VPS13D: variants seen among roughly 807,000 people sequenced by gnomAD.
The protein encoded by VPS13D is vacuolar protein sorting 13 homolog D.
Under a neutral mutation model 461.9 loss-of-function variants are expected in VPS13D, and 187 were observed. The ratio of observed to expected loss-of-function variants is 0.40; its 90% CI spans 0.36 to 0.46. The LOEUF is 0.46. Among genes scored for constraint, VPS13D ranks in the 20% least tolerant of loss-of-function variants. The pLI is 0.60. For synonymous variants in VPS13D, 1,951 were observed against 1,986.3 expected (o/e 0.98, Z 0.47); for missense variants, 4,711 against 5,364.9 (o/e 0.88, Z 3.81).
Position 12,305,870 on chromosome 1 carries a change from G to A in VPS13D, c.6439+1142G>A, listed in dbSNP as rs988159083. On this transcript the variant is annotated intron_variant, in intron 26 of 69. Coordinates refer to ENST00000620676, the MANE Select transcript of VPS13D (RefSeq NM_015378.4). ...ATTTAACAAGATAATTTTCATCCCC[G>A]TAGTAGTAGTTGTGAAACACTATGT... 1.1e-4 allele frequency among the ~76,000 whole-genome samples: 17 copies of A among 152,194 alleles called. No individual in the cohort carries two copies. The East Asian group carries it at 2.5e-3, about 22-fold the overall frequency.
chr1:12,407,589 T>G (rs1226385747), intron 63 of VPS13D, among the ~76,000 whole-genome samples: 1 of 152,212 alleles, frequency 6.6e-6, no homozygotes, highest in Non-Finnish European at 1.5e-5. Flanking sequence ...CGTTCCCTCA[T>G]CTCGACTTTG....
At chr1:12,400,417 C>A in intron 61 of VPS13D, 87 bp downstream of exon 61, 2 of 1,515,286 alleles carry the variant, frequency 1.3e-6, no homozygotes, top group Non-Finnish European at 9.0e-7. Context: ...GCAGCAGTGC[C>A]GGGTGCTGAT....
chr1:12,385,933 T>C (rs1644345502), intron 59 of VPS13D, among the ~76,000 whole-genome samples: 1 of 152,128 alleles, frequency 6.6e-6, no homozygotes, highest in Non-Finnish European at 1.5e-5. Context: ...ATGTCATCAG[T>C]CCTTTGATAG....
chr1:12,406,247 G>A (rs1644652980), intron 63 of VPS13D, among the ~76,000 whole-genome samples: 1 of 151,906 alleles, frequency 6.6e-6, no homozygotes, highest in African/African-American at 2.4e-5. Context: ...GTGGAGTCTG[G>A]GACTCATAAA....
At chr1:12,271,150 T>C (rs1641429684) in intron 17 of VPS13D, 26 bp downstream of exon 17, 1 of 1,613,164 alleles carries the variant, frequency 6.2e-7, no homozygotes, top group Non-Finnish European at 8.5e-7. Context: ...TAAACACTCT[T>C]TGGGGATTGG....
At chr1:12,239,360 A>C (rs1261143987) in intron 2 of VPS13D, among the ~76,000 whole-genome samples, 1 of 152,092 alleles carries the variant, frequency 6.6e-6, no homozygotes, top group Middle Eastern at 3.2e-3. Context: ...GCTGGTCTTG[A>C]ATTCTTGGGC....
chr1:12,374,405 T>C (rs1269106644), intron 55 of VPS13D, among the ~76,000 whole-genome samples: 2 of 152,204 alleles, frequency 1.3e-5, no homozygotes, highest in African/African-American at 4.8e-5. Flanking sequence ...TTTTACTTTT[T>C]ATTTGGAAAC....
At position 12,267,828 on chromosome 1, in the gene VPS13D, G is replaced by A. The variant is rs1401506662; in HGVS notation, c.1726-17G>A. 1.2e-6 allele frequency: 2 copies of A among 1,613,196 alleles called. No individual in the cohort carries two copies. The highest frequency in any genetic ancestry group is 1.3e-5 in the African/African-American group (1 of 74,880). On this transcript the variant is annotated splice_polypyrimidine_tract_variant and intron_variant, in intron 14 of 69. Coordinates refer to ENST00000620676, the MANE Select transcript of VPS13D (RefSeq NM_015378.4). Reference sequence around the variant, plus strand: ...CTCACGCTGACGTTTACGCATTTTTGTGTGTTTGTTTAATAGCAAAAAGAA... The same window carrying A: ...CTCACGCTGACGTTTACGCATTTTTATGTGTTTGTTTAATAGCAAAAAGAA...
chr1:12,276,620 C>T lies in VPS13D; in HGVS notation c.3032C>T (p.Thr1011Ile). The change falls in exon 19 of 70, where the codon ACA (threonine) becomes ATA (isoleucine). Residue 1011 changes from threonine (T) to isoleucine (I), a missense_variant. Transcript: ENST00000620676. This position sits in a 1 kb window ranked among gnomAD's most constrained non-coding sequence, Gnocchi z 4.5. ...HGLLLVDTMQTYGADFDLLMA... is the reference protein window; with the variant it reads ...HGLLLVDTMQIYGADFDLLMA... ...TTGCTCCTGGTGGATACCATGCAGA[C>T]ATATGGTGCTGATTTTGACCTTTTG... 1 of 1,614,196 alleles carries T rather than the reference C, an allele frequency of 6.2e-7. No homozygotes were observed. The highest frequency in any genetic ancestry group is 8.5e-7 in the Non-Finnish European group (1 of 1,180,034).
At chr1:12,252,351 C>T (rs375594560) in intron 6 of VPS13D, among the ~76,000 whole-genome samples, 2 of 152,188 alleles carry the variant, frequency 1.3e-5, no homozygotes, top group Admixed American at 6.5e-5. Flanking sequence ...CCCCACCGCA[C>T]ACATCCAGTG....
Position 12,262,010 on chromosome 1 carries a change from G to A in VPS13D, c.1524G>A (p.Val508=), listed in dbSNP as rs779860519. 6.2e-7 allele frequency: 1 copy of A among 1,614,140 alleles called. No homozygotes were observed. Among genetic ancestry groups the A allele is most frequent in the Admixed American group, 1.7e-5 (1 of 60,028 alleles). The change falls in exon 13 of 70, where the codon GTG becomes GTA. Residue 508 remains valine (V), a synonymous_variant. Coordinates refer to ENST00000620676, the MANE Select transcript of VPS13D (RefSeq NM_015378.4). ...ATTTGCAGTTGCAGCGAGGTACAGT[G>A]ACTCTGTTACACAAGGAGCAAGGAA... ...KLNLQLQRGT[V]TLLHKEQGTP... is the part of the protein sequence containing the mutation.
At chr1:12,399,849 G>T (rs1321817902) in intron 60 of VPS13D, among the ~76,000 whole-genome samples, 1 of 152,064 alleles carries the variant, frequency 6.6e-6, no homozygotes, top group Non-Finnish European at 1.5e-5. Flanking sequence ...TATATTCATC[G>T]TGTACAACAT....
intron 65 of VPS13D, among the ~76,000 whole-genome samples, chr1:12,445,968 G>A (rs1387108110): frequency 6.6e-6 from 1 of 152,218 alleles, no homozygotes; most frequent in Non-Finnish European, 1.5e-5. Context: ...ATTGCTAGAA[G>A]TGAAGTATCA....
chr1:12,357,592 A>G (rs188193828), intron 49 of VPS13D, among the ~76,000 whole-genome samples: 1 of 152,348 alleles, frequency 6.6e-6, no homozygotes, highest in African/African-American at 2.4e-5. Context: ...AGGCTCAGAG[A>G]GATTGCTACC....
chr1:12,284,471 A>G (rs562751123), intron 21 of VPS13D, among the ~76,000 whole-genome samples: 1 of 152,318 alleles, frequency 6.6e-6, no homozygotes, highest in South Asian at 2.1e-4. Context: ...AAGTATTAAG[A>G]AAAAAACCAT....
At chr1:12,255,888 CAAAAAAAAAAA>C (rs35699803) in intron 7 of VPS13D, among the ~76,000 whole-genome samples, 2 of 56,386 alleles carry the variant, frequency 3.5e-5, no homozygotes, top group African/African-American at 1.4e-4. Context: ...AGACTCGTCT[CAAAAAAAAAAA>C]AAAAGAAAGA....
chr1:12,285,958 CTT>C lies in VPS13D; in HGVS notation c.5634+2224_5634+2225del, dbSNP rs1418466015. ...CTTTCCTTTCCTTTCCTTTCCTTTC[CTT>C]TCCTTTCCTTTCCTTTCCTTTCCTT... On this transcript the variant is annotated intron_variant, in intron 21 of 69. Transcript: ENST00000620676. Among the ~76,000 whole-genome samples the C allele has an allele frequency of 2.2e-3, 286 of 127,556 alleles. 1 individual carries two copies. Among genetic ancestry groups the C allele is most frequent in the South Asian group, 6.4e-3 (22 of 3,450 alleles). 83.7% of individuals were successfully genotyped at this position (127,556 alleles called of 152,430 possible). A position where few individuals can be genotyped will look rare whatever the true frequency, so the allele number is the denominator to read the frequency against.
chr1:12,255,091 G>A (rs1483200632), intron 7 of VPS13D, among the ~76,000 whole-genome samples: 5 of 151,986 alleles, frequency 3.3e-5, no homozygotes, highest in East Asian at 1.9e-4. Context: ...GATTACAGGT[G>A]CATGCCACCA....
At chr1:12,386,155 T>G in intron 59 of VPS13D, 30 bp from the exon 60 acceptor site, 1 of 1,593,852 alleles carries the variant, frequency 6.3e-7, no homozygotes, top group South Asian at 1.1e-5. Flanking sequence ...TTTAAAACAA[T>G]CAGGGTGCCA....
Sources: gnomAD v4.1 joint callset for allele counts (sites outside exome capture counted in the v4.1 genomes callset) on GRCh38, gnomAD v4.1.1 for gene constraint, Gnocchi (gnomAD v3.1) non-coding constraint, MANE v1.5 for transcripts, NCBI Gene and HGNC (gene_info 2026-07-23, HGNC 2026-07-21) for gene names.